The following GALNT7 variants were observed in gnomAD, a reference collection of about 807,000 sequenced individuals.
The protein encoded by GALNT7 is polypeptide N-acetylgalactosaminyltransferase 7, also known as N-acetylgalactosaminyltransferase 7.
GALNT7 carries 60 observed loss-of-function variants against 82.1 expected under a neutral mutation model. The ratio of observed to expected loss-of-function variants is 0.73; its 90% CI spans 0.59 to 0.91. The LOEUF (loss-of-function observed/expected upper bound fraction) is 0.91, where lower values mean the gene tolerates loss of function less well. Ranked by LOEUF, GALNT7 falls within the 40% of genes least tolerant of loss-of-function variation. The pLI, the probability that GALNT7 is intolerant of heterozygous loss-of-function variation, is 0.00. For synonymous variants in GALNT7, 243 were observed against 275.1 expected, an observed-to-expected ratio of 0.88 and a Z score of 1.15; for missense variants, 660 against 804.2, an observed-to-expected ratio of 0.82 and a Z score of 2.17.
Position 173,292,035 on chromosome 4 carries a change from C to A in GALNT7, c.588-73C>A, listed in dbSNP as rs113965261. On this transcript the variant is annotated intron_variant, in intron 2 of 11. Transcript: ENST00000265000. This position sits in a 1 kb window ranked among gnomAD's most constrained non-coding sequence, Gnocchi z 4.8. Reference sequence around the variant, plus strand: ...AGTCGATAGTATGTAATCCAATCAGCAAATATAGTCAGCTTGGAGCCAAGC... The same window carrying A: ...AGTCGATAGTATGTAATCCAATCAGAAAATATAGTCAGCTTGGAGCCAAGC... 2,812 of 948,664 alleles carry A rather than the reference C, an allele frequency of 3.0e-3. 38 individuals are homozygous for A. The African/African-American group carries it at 0.032, about 11-fold the overall frequency. 58.8% of individuals were successfully genotyped at this position (948,664 alleles called of 1,614,324 possible).
chr4:173,231,087 A>G (rs775073013), intron 1 of GALNT7, among the ~76,000 whole-genome samples: 5 of 152,228 alleles, frequency 3.3e-5, no homozygotes, highest in Non-Finnish European at 5.9e-5. Flanking sequence ...TAGGTTGAAA[A>G]GCACTTTAGT....
At chr4:173,213,686 C>G (rs1037328889) in intron 1 of GALNT7, among the ~76,000 whole-genome samples, 1 of 151,788 alleles carries the variant, frequency 6.6e-6, no homozygotes, top group African/African-American at 2.4e-5. Context: ...TTTTGAAGGT[C>G]TACTAACCAA....
At chr4:173,183,090 A>ACT (rs1732320854) in intron 1 of GALNT7, among the ~76,000 whole-genome samples, 1 of 140,910 alleles carries the variant, frequency 7.1e-6, no homozygotes, top group Non-Finnish European at 1.5e-5. Context: ...ACACACACAC[A>ACT]CTGCTTTTTC....
chr4:173,257,993 A>G (rs779029738), intron 2 of GALNT7, among the ~76,000 whole-genome samples: 1 of 152,214 alleles, frequency 6.6e-6, no homozygotes, highest in African/African-American at 2.4e-5. Context: ...TCCCCATCCA[A>G]GGAAGATATT....
intron 2 of GALNT7, among the ~76,000 whole-genome samples, chr4:173,282,829 T>C (rs1170743065): frequency 6.6e-6 from 1 of 152,220 alleles, no homozygotes; most frequent in East Asian, 1.9e-4. Context: ...AACTGGTGGC[T>C]ATAGTTAACG....
intron 2 of GALNT7, among the ~76,000 whole-genome samples, chr4:173,260,243 T>G (rs1167279785): frequency 1.3e-5 from 2 of 152,218 alleles, no homozygotes; most frequent in East Asian, 3.8e-4. Flanking sequence ...TTGATATTGT[T>G]GACTGAAGGA....
intron 1 of GALNT7, among the ~76,000 whole-genome samples, chr4:173,219,214 G>T (rs1222042224): frequency 1.3e-5 from 2 of 152,078 alleles, no homozygotes; most frequent in African/African-American, 4.8e-5. Flanking sequence ...TTATGAGTGA[G>T]AGCATATGAT....
At position 173,321,806 on chromosome 4, in the gene GALNT7, A is replaced by C; in HGVS notation, c.*89A>C. ...CCTGAAACCTGCTGCAACTATTGTTATTAACTCTGTATAGCTCCAAACCTG... is the reference window on the plus strand; with the variant it reads ...CCTGAAACCTGCTGCAACTATTGTTCTTAACTCTGTATAGCTCCAAACCTG... On this transcript the variant is annotated 3_prime_UTR_variant, in exon 12 of 12. Coordinates refer to ENST00000265000, the MANE Select transcript of GALNT7 (RefSeq NM_017423.3). 4.8e-6 allele frequency: 4 copies of C among 841,480 alleles called. No homozygotes were observed. The Admixed American group carries it at 6.4e-5, about 13-fold the overall frequency. The allele number at this position is 841,480 out of a possible 1,614,324, so 52.1% of individuals were successfully genotyped here.
intron 1 of GALNT7, among the ~76,000 whole-genome samples, chr4:173,204,776 C>T (rs1733036218): frequency 6.6e-6 from 1 of 152,102 alleles, no homozygotes; most frequent in South Asian, 2.1e-4. Flanking sequence ...ATTTTGAATT[C>T]TGTGTCAGAC....
In GALNT7 at chr4:173,298,153, G is replaced by T. The variant is rs758424137; in HGVS notation, c.1004G>T (p.Gly335Val). The T allele has an allele frequency of 5.6e-6, 9 of 1,614,008 alleles. No individual in the cohort carries two copies. In the South Asian group the frequency reaches 9.9e-5, roughly 18 times the overall value. ...GTGCCGCTTATAGATGTCATAAATG[G>T]CAACACATATGAAATTATACCCCAA... is the stretch of plus-strand genomic sequence containing the variant. Reference protein sequence around the residue: ...CTVPLIDVINGNTYEIIPQGG... With the variant: ...CTVPLIDVINVNTYEIIPQGG... The change falls in exon 6 of 12, where the codon GGC (glycine) becomes GTC (valine). Residue 335 changes from glycine (G) to valine (V), a missense_variant. Gly to Val is a moderately radical substitution (Grantham distance 109, BLOSUM62 -3). Coordinates refer to ENST00000265000, the MANE Select transcript of GALNT7 (RefSeq NM_017423.3).
chr4:173,305,547 G>A (rs756518005), intron 8 of GALNT7, among the ~76,000 whole-genome samples: 7 of 152,106 alleles, frequency 4.6e-5, no homozygotes, highest in Non-Finnish European at 5.9e-5. Flanking sequence ...AGGACTTCAC[G>A]TAAGTTTTTA....
At chr4:173,298,562 C>T (rs552114589) in intron 6 of GALNT7, among the ~76,000 whole-genome samples, 2 of 152,246 alleles carry the variant, frequency 1.3e-5, no homozygotes, top group Admixed American at 6.5e-5. Flanking sequence ...ATTTGTTCCA[C>T]GTACAAGTGA....
chr4:173,311,072 A>G (rs57615090), intron 8 of GALNT7, among the ~76,000 whole-genome samples: 1 of 152,358 alleles, frequency 6.6e-6, no homozygotes, highest in East Asian at 1.9e-4. Context: ...ACTGCATTCC[A>G]GTTTTTGTAA....
chr4:173,218,184 A>C (rs1443016149), intron 1 of GALNT7, among the ~76,000 whole-genome samples: 2 of 152,190 alleles, frequency 1.3e-5, no homozygotes, highest in African/African-American at 4.8e-5. Context: ...CTCTAATCTT[A>C]GCATAGACAT....
intron 1 of GALNT7, among the ~76,000 whole-genome samples, chr4:173,172,429 C>T (rs1731906956): frequency 6.6e-6 from 1 of 152,220 alleles, no homozygotes; most frequent in Non-Finnish European, 1.5e-5. Flanking sequence ...CTGGAGCCCA[C>T]TTGCCCAACT....
rs188370404 is a variant in GALNT7 at position 173,243,117 on chromosome 4, C to T, written c.127-4863C>T. 9.8e-4 allele frequency among the ~76,000 whole-genome samples: 150 copies of T among 152,320 alleles called. 1 individual carries two copies. Among genetic ancestry groups the T allele is most frequent in the African/African-American group, 3.5e-3 (145 of 41,566 alleles). On this transcript the variant is annotated intron_variant, in intron 1 of 11. Transcript: ENST00000265000. The stretch of plus-strand genomic sequence containing the variant: ...TAAAAGCTTAGTTTTCTAGGCTTCA[C>T]CTGTGATTTCAAATTCAAACAAGCC...
intron 2 of GALNT7, among the ~76,000 whole-genome samples, chr4:173,264,442 G>A (rs1356909802): frequency 6.6e-6 from 1 of 152,122 alleles, no homozygotes; most frequent in Non-Finnish European, 1.5e-5. Context: ...TACGGTGTGA[G>A]TTCTCTGAGC....
At chr4:173,191,074 AAT>A (rs1732612966) in intron 1 of GALNT7, among the ~76,000 whole-genome samples, 1 of 151,932 alleles carries the variant, frequency 6.6e-6, no homozygotes, top group African/African-American at 2.4e-5. Flanking sequence ...AAAAAAAAAA[AAT>A]GGAAATATTA....
Position 173,248,430 on chromosome 4 carries a change from C to A in GALNT7, c.577C>A (p.Arg193Ser). Reference sequence around the variant, plus strand: ...ACTGGACCGCAGCGTCAATGACTTACGCCAAGAAGAGTAAGCACACATCCT... The same window carrying A: ...ACTGGACCGCAGCGTCAATGACTTAAGCCAAGAAGAGTAAGCACACATCCT... ...ISLDRSVNDL[R>S]QEECKYWHYD... The change falls in exon 2 of 12, where the codon CGC (arginine) becomes AGC (serine). Residue 193 changes from arginine (R) to serine (S), a missense_variant. Physicochemically the swap from Arg to Ser is moderately radical, Grantham distance 110. Around this residue, in one of 2 missense-constraint regions of GALNT7, gnomAD observed 527 missense variants for 683.5 expected, o/e 0.77. Transcript: ENST00000265000. 6.3e-7 allele frequency: 1 copy of A among 1,599,626 alleles called. No individual in the cohort carries two copies. The highest frequency in any genetic ancestry group is 8.5e-7 in the Non-Finnish European group (1 of 1,170,610).
Sources: allele counts gnomAD v4.1 joint callset (sites outside exome capture counted in the v4.1 genomes callset), GRCh38; gene constraint gnomAD v4.1.1; regional missense constraint gnomAD v4.1.1; non-coding constraint Gnocchi (gnomAD v3.1); transcripts MANE v1.5; gene names NCBI Gene and HGNC (gene_info 2026-07-23, HGNC 2026-07-21).